The following ARHGEF9 variants were observed in gnomAD, a reference collection of about 807,000 sequenced individuals.
ARHGEF9 encodes Cdc42 guanine nucleotide exchange factor 9.
A neutral mutation model predicts 41.3 loss-of-function variants in ARHGEF9; 2 were observed. That is an observed-to-expected ratio of 0.05 (90% CI 0.02 to 0.15). ARHGEF9 has a LOEUF of 0.15. ARHGEF9 is among the 10% of genes least tolerant of loss of function. The probability of loss-of-function intolerance (pLI) is 1.00; values close to 1 mark genes in which losing one functional copy is unlikely to be tolerated. For missense variants in ARHGEF9, 225 were observed against 424.7 expected, an observed-to-expected ratio of 0.53 and a Z score of 4.13; for synonymous variants, 160 against 154.4, an observed-to-expected ratio of 1.04 and a Z score of -0.27.
chrX:63,659,765 A>G (rs2049965225), intron 7 of ARHGEF9, among the ~76,000 whole-genome samples: 1 of 111,704 alleles, frequency 9.0e-6, no homozygotes, highest in Admixed American at 9.5e-5. Context: ...AATAATAGCA[A>G]CAGTGACCCC....
chrX:63,637,335 T>C lies in ARHGEF9; in HGVS notation c.*693A>G, dbSNP rs2047358403. Reference sequence around the variant, plus strand: ...TAAAACACAGTAAAAGCAATAGGAATACTGAGCAGTTTTGTCACAGGGCAC... The same window carrying C: ...TAAAACACAGTAAAAGCAATAGGAACACTGAGCAGTTTTGTCACAGGGCAC... On this transcript the variant is annotated 3_prime_UTR_variant, in exon 10 of 10. Coordinates refer to ENST00000671741, the MANE Select transcript of ARHGEF9 (RefSeq NM_001353921.2). The C allele has an allele frequency of 3.4e-6, 1 of 294,859 alleles. No homozygotes were observed. Among genetic ancestry groups the C allele is most frequent in the African/African-American group, 2.8e-5 (1 of 36,140 alleles). 24.3% of individuals were successfully genotyped at this position (294,859 alleles called of 1,213,427 possible). A position where few individuals can be genotyped will look rare whatever the true frequency, so the allele number is the denominator to read the frequency against.
intron 1 of ARHGEF9, among the ~76,000 whole-genome samples, chrX:63,777,915 T>A (rs1556459713): frequency 8.9e-6 from 1 of 112,834 alleles, no homozygotes; most frequent in Admixed American, 9.3e-5. Flanking sequence ...ATGGCTGGCA[T>A]TGAGTGCCCA....
intron 1 of ARHGEF9, among the ~76,000 whole-genome samples, chrX:63,761,045 A>T (rs1461699356): frequency 1.8e-5 from 2 of 111,493 alleles, no homozygotes; most frequent in Admixed American, 9.5e-5. Context: ...AGACCCTCTC[A>T]TGGAGTGATT....
At chrX:63,733,708 T>G (rs1296985580) in intron 1 of ARHGEF9, among the ~76,000 whole-genome samples, 1 of 112,342 alleles carries the variant, frequency 8.9e-6, no homozygotes, top group East Asian at 2.8e-4. Context: ...TATCCCATTA[T>G]ACTATCCAGT....
chrX:63,778,210 C>T (rs1323006218), intron 1 of ARHGEF9, among the ~76,000 whole-genome samples: 1 of 112,509 alleles, frequency 8.9e-6, no homozygotes, highest in Non-Finnish European at 1.9e-5. Context: ...CTTCTGTGTA[C>T]CCGCAGGCCC....
At chrX:63,784,721 G>A (rs1172086075) in intron 1 of ARHGEF9, among the ~76,000 whole-genome samples, 1 of 110,525 alleles carries the variant, frequency 9.0e-6, no homozygotes, top group Non-Finnish European at 1.9e-5. Context: ...CTTTGTGACC[G>A]TCCCCTCCCC....
chrX:63,768,667 G>T (rs1186511241), intron 1 of ARHGEF9, among the ~76,000 whole-genome samples: 3 of 112,029 alleles, frequency 2.7e-5, no homozygotes, highest in Non-Finnish European at 3.8e-5. Flanking sequence ...GGAGGGGACA[G>T]GTGGAGGTAA....
intron 1 of ARHGEF9, among the ~76,000 whole-genome samples, chrX:63,775,384 C>T (rs782615221): frequency 7.1e-5 from 8 of 112,385 alleles, no homozygotes; most frequent in Admixed American, 2.8e-4. Flanking sequence ...CATGTATGTT[C>T]GTCACAGCAC....
chrX:63,740,619 C>T (rs1238770871), intron 1 of ARHGEF9, among the ~76,000 whole-genome samples: 1 of 111,708 alleles, frequency 9.0e-6, no homozygotes, highest in Non-Finnish European at 1.9e-5. Context: ...GACCTCAAAG[C>T]CAAAGCTGAG....
chrX:63,780,385 T>A (rs781858746), intron 1 of ARHGEF9, among the ~76,000 whole-genome samples: 1 of 110,694 alleles, frequency 9.0e-6, no homozygotes, highest in South Asian at 4.0e-4. Context: ...CTTACACAGG[T>A]CATATGGTAT....
At chrX:63,717,139 T>C (rs1279182999) in intron 2 of ARHGEF9, among the ~76,000 whole-genome samples, 1 of 111,995 alleles carries the variant, frequency 8.9e-6, no homozygotes, top group East Asian at 2.8e-4. Flanking sequence ...TATGGCTTTT[T>C]TCCCCAGTAT....
At chrX:63,673,962 C>T in intron 6 of ARHGEF9, 76 bp downstream of exon 6, 1 of 1,146,620 alleles carries the variant, frequency 8.7e-7, no homozygotes, top group African/African-American at 1.8e-5. Context: ...TTTCTCTTCA[C>T]CTGTCCTTAG....
intron 9 of ARHGEF9, chrX:63,639,643 T>C (rs1420526737): frequency 8.9e-6 from 1 of 112,001 alleles, no homozygotes; most frequent in Non-Finnish European, 1.9e-5. Context: ...AATCAGTACG[T>C]TGAAGAGATA....
At chrX:63,698,077 A>G (rs1556390741) in intron 3 of ARHGEF9, among the ~76,000 whole-genome samples, 1 of 107,756 alleles carries the variant, frequency 9.3e-6, no homozygotes, top group Non-Finnish European at 1.9e-5. Context: ...GGTGTTTTTA[A>G]CAGAACAGGT....
chrX:63,691,454 A>T (rs1438166692), intron 4 of ARHGEF9, among the ~76,000 whole-genome samples: 2 of 111,303 alleles, frequency 1.8e-5, no homozygotes, highest in Non-Finnish European at 3.8e-5. Context: ...AAATAAAAAT[A>T]AAAAGCACTG....
chrX:63,722,287 C>T (rs868971030), intron 2 of ARHGEF9, among the ~76,000 whole-genome samples: 32 of 111,986 alleles, frequency 2.9e-4, no homozygotes, highest in Middle Eastern at 9.3e-3. Context: ...AATGAGACTT[C>T]CAGGTAGGGA....
chrX:63,647,679 G>A (rs1390197641), intron 8 of ARHGEF9, among the ~76,000 whole-genome samples: 10 of 111,333 alleles, frequency 9.0e-5, no homozygotes, highest in Middle Eastern at 9.3e-3. Context: ...CAGGGATATT[G>A]GTCTAAAATT....
At chrX:63,725,622 C>T (rs782423606) in intron 1 of ARHGEF9, 1 of 83,796 alleles carries the variant, frequency 1.2e-5, no homozygotes, top group Non-Finnish European at 2.2e-5. Flanking sequence ...CATCTAAGCA[C>T]GGTGATAGGG....
chrX:63,722,547 T>C (rs1483728091), intron 2 of ARHGEF9, among the ~76,000 whole-genome samples: 39 of 110,626 alleles, frequency 3.5e-4, no homozygotes, highest in African/African-American at 1.2e-3. Context: ...GGGGCATTAA[T>C]GGCTGCCCAC....
Sources: gnomAD v4.1 joint callset for allele counts (sites outside exome capture counted in the v4.1 genomes callset) on GRCh38, gnomAD v4.1.1 for gene constraint, MANE v1.5 for transcripts, NCBI Gene and HGNC (gene_info 2026-07-23, HGNC 2026-07-21) for gene names.